Variants in ELMO1 observed in about 807,000 individuals in gnomAD.
The protein encoded by ELMO1 is engulfment and cell motility 1.
In ELMO1, 26 loss-of-function variants were observed where a neutral mutation model predicts 98.9. The observed-to-expected ratio is 0.26, with a 90% CI of 0.19 to 0.36. The LOEUF is 0.36. ELMO1 is among the 10% of genes least tolerant of loss of function. The probability of loss-of-function intolerance (pLI) is 1.00; values close to 1 mark genes in which losing one functional copy is unlikely to be tolerated. For synonymous variants in ELMO1, 346 were observed against 346.0 expected, an observed-to-expected ratio of 1.00 and a Z score of 0.00; for missense variants, 627 against 935.2, an observed-to-expected ratio of 0.67 and a Z score of 4.30.
intron 5 of ELMO1, chr7:37,270,943 TTC>T (rs1796524870): frequency 6.6e-6 from 1 of 152,220 alleles, no homozygotes; most frequent in Non-Finnish European, 1.5e-5. Context: ...TTTCTTTTTT[TTC>T]TTTTTTTTTT....
intron 14 of ELMO1, among the ~76,000 whole-genome samples, chr7:37,106,873 G>C (rs1784975674): frequency 6.6e-6 from 1 of 152,100 alleles, no homozygotes; most frequent in African/African-American, 2.4e-5. Context: ...AGTACTCACA[G>C]ATCACCTGGA....
In ELMO1 at chr7:37,016,264, C is replaced by T. The variant is rs528570502; in HGVS notation, c.1301-2829G>A. ...GGGAAGTGACATCATTAATAATTAA[C>T]TAGATAATTCGTTGGGTACATATGG... On this transcript the variant is annotated intron_variant, in intron 15 of 21. Coordinates refer to ENST00000310758, the MANE Select transcript of ELMO1 (RefSeq NM_014800.11). 7.2e-5 allele frequency among the ~76,000 whole-genome samples: 11 copies of T among 152,252 alleles called. No homozygotes were observed. In the South Asian group the frequency reaches 2.1e-3, roughly 29 times the overall value.
intron 2 of ELMO1, among the ~76,000 whole-genome samples, chr7:37,321,174 G>A (rs1023942389): frequency 6.6e-6 from 1 of 152,128 alleles, no homozygotes; most frequent in East Asian, 1.9e-4. Flanking sequence ...CACTAGCCTG[G>A]TATCCTTGTT....
intron 15 of ELMO1, among the ~76,000 whole-genome samples, chr7:37,060,519 G>A (rs1429586303): frequency 6.6e-6 from 1 of 152,160 alleles, no homozygotes; most frequent in Non-Finnish European, 1.5e-5. Flanking sequence ...AGGGAAGAGA[G>A]GGTGGCAAGG....
intron 16 of ELMO1, among the ~76,000 whole-genome samples, chr7:36,909,259 A>C (rs1441607053): frequency 6.6e-6 from 1 of 152,258 alleles, no homozygotes; most frequent in Non-Finnish European, 1.5e-5. Flanking sequence ...TAAATAAGAA[A>C]GGTGTTTATT....
chr7:37,233,217 A>G (rs1794279620), intron 7 of ELMO1, 23 bp from the exon 8 acceptor site: 2 of 1,599,540 alleles, frequency 1.3e-6, no homozygotes, highest in Non-Finnish European at 1.7e-6. Context: ...GAGAGGCACA[A>G]GAGTCAAGAG....
intron 19 of ELMO1, among the ~76,000 whole-genome samples, chr7:36,875,415 A>G (rs536104818): frequency 6.6e-6 from 1 of 152,270 alleles, no homozygotes; most frequent in South Asian, 2.1e-4. Flanking sequence ...CTCTCCCACA[A>G]GGTGTGGATA....
chr7:36,883,659 A>G (rs1212708330), intron 18 of ELMO1, among the ~76,000 whole-genome samples: 1 of 152,078 alleles, frequency 6.6e-6, no homozygotes, highest in African/African-American at 2.4e-5. Context: ...CCCACCTTCT[A>G]CCATGATTGG....
At chr7:37,055,392 C>G (rs1454164156) in intron 15 of ELMO1, among the ~76,000 whole-genome samples, 1 of 152,184 alleles carries the variant, frequency 6.6e-6, no homozygotes, top group African/African-American at 2.4e-5. Flanking sequence ...AAGACTACAG[C>G]AGGAGACAAA....
chr7:36,981,107 T>G (rs550338203), intron 16 of ELMO1, among the ~76,000 whole-genome samples: 1 of 150,262 alleles, frequency 6.7e-6, no homozygotes, highest in Admixed American at 6.6e-5. Flanking sequence ...TGCAGAATTC[T>G]TAATAGAGCT....
chr7:37,288,149 AG>A lies in ELMO1; in HGVS notation c.193-16268del, dbSNP rs1436798083. ...TAATTTTTGTATTTTTGGTAGAGAC[AG>A]GGTTTCACCATGTTGGCCAGGTGGG... On this transcript the variant is annotated intron_variant, in intron 4 of 21. Coordinates refer to ENST00000310758, the MANE Select transcript of ELMO1 (RefSeq NM_014800.11). Among the ~76,000 whole-genome samples the A allele has an allele frequency of 2.6e-5, 4 of 151,786 alleles. No homozygotes were observed. The East Asian group carries it at 7.7e-4, about 29-fold the overall frequency.
rs62459394 is a variant in ELMO1 at position 37,431,984 on chromosome 7, C to T, written c.-74+16691G>A. The stretch of plus-strand genomic sequence containing the variant: ...ACAGCCTCCGTCTCTCAGCCTCAAG[C>T]GATTCTCCTGCCTCAGCCTCCCGAG... On this transcript the variant is annotated intron_variant, in intron 1 of 21. Coordinates refer to ENST00000310758, the MANE Select transcript of ELMO1 (RefSeq NM_014800.11). Among the ~76,000 whole-genome samples, 10 of 152,140 alleles carry T rather than the reference C, an allele frequency of 6.6e-5. No individual in the cohort carries two copies. In the East Asian group the frequency reaches 9.7e-4, roughly 15 times the overall value.
At chr7:37,256,154 C>CT in intron 6 of ELMO1, among the ~76,000 whole-genome samples, 1 of 152,282 alleles carries the variant, frequency 6.6e-6, no homozygotes, top group South Asian at 2.1e-4. Flanking sequence ...CCAGCTCCAG[C>CT]TTACAGTAAC....
intron 13 of ELMO1, among the ~76,000 whole-genome samples, chr7:37,168,277 G>T (rs999865369): frequency 3.9e-5 from 6 of 152,056 alleles, no homozygotes; most frequent in Non-Finnish European, 7.4e-5. Context: ...CTTTGCCTTT[G>T]GTTTGAATTT....
chr7:37,183,986 A>C (rs1273198255), intron 13 of ELMO1, among the ~76,000 whole-genome samples: 3 of 152,076 alleles, frequency 2.0e-5, no homozygotes, highest in Admixed American at 2.0e-4. Context: ...CAACACCTCT[A>C]ATTTCTCTGC....
At chr7:37,370,167 T>A (rs1562647972) in intron 1 of ELMO1, among the ~76,000 whole-genome samples, 1 of 152,240 alleles carries the variant, frequency 6.6e-6, no homozygotes, top group Non-Finnish European at 1.5e-5. Context: ...GTTATCTGCA[T>A]AATAAGACCT....
chr7:36,858,903 A>C (rs995336748), intron 21 of ELMO1, among the ~76,000 whole-genome samples: 1 of 152,216 alleles, frequency 6.6e-6, no homozygotes, highest in Non-Finnish European at 1.5e-5. Flanking sequence ...TTGACTTCTG[A>C]AGTCCAGAAT....
chr7:36,990,582 G>A (rs756013885), intron 16 of ELMO1, among the ~76,000 whole-genome samples: 18 of 151,946 alleles, frequency 1.2e-4, no homozygotes, highest in African/African-American at 3.1e-4. Context: ...TCGCTCACAC[G>A]TTCAACCTGT....
At chr7:37,146,225 C>T (rs1258647894) in intron 13 of ELMO1, among the ~76,000 whole-genome samples, 1 of 152,180 alleles carries the variant, frequency 6.6e-6, no homozygotes, top group African/African-American at 2.4e-5. Context: ...TCCTAGAGGG[C>T]CTGTTAAACC....
Sources: gnomAD v4.1 joint callset for allele counts (sites outside exome capture counted in the v4.1 genomes callset) on GRCh38, gnomAD v4.1.1 for gene constraint, MANE v1.5 for transcripts, NCBI Gene and HGNC (gene_info 2026-07-23, HGNC 2026-07-21) for gene names.